The following DLGAP2 variants were observed in gnomAD, a reference collection of about 807,000 sequenced individuals.
DLGAP2 encodes the protein disks large-associated protein 2.
In DLGAP2, 26 loss-of-function variants were observed where a neutral mutation model predicts 100.3. That is an observed-to-expected ratio of 0.26 (90% CI 0.19 to 0.36). DLGAP2 has a LOEUF of 0.36. Ranked by LOEUF, DLGAP2 falls within the 10% of genes least tolerant of loss-of-function variation. The pLI, the probability that DLGAP2 is intolerant of heterozygous loss-of-function variation, is 1.00. For missense variants in DLGAP2, 1,858 were observed against 1,453.2 expected (o/e 1.28, Z -4.53); for synonymous variants, 886 against 630.1 (o/e 1.41, Z -6.08).
At chr8:820,269 C>G (rs982451185) in intron 1 of DLGAP2, among the ~76,000 whole-genome samples, 1 of 152,066 alleles carries the variant, frequency 6.6e-6, no homozygotes, top group African/African-American at 2.4e-5. Flanking sequence ...AAATTTAGTA[C>G]AATATGTTTT....
At chr8:845,229 C>G (rs1203657446) in intron 1 of DLGAP2, among the ~76,000 whole-genome samples, 1 of 152,176 alleles carries the variant, frequency 6.6e-6, no homozygotes. Flanking sequence ...GACTGTTTTC[C>G]AAAGTTGCAG....
At chr8:746,351 T>A (rs1174223256) in intron 1 of DLGAP2, among the ~76,000 whole-genome samples, 1 of 152,234 alleles carries the variant, frequency 6.6e-6, no homozygotes, top group Non-Finnish European at 1.5e-5. Flanking sequence ...CCCTGTGAGG[T>A]CAGTGCTGGC....
intron 3 of DLGAP2, among the ~76,000 whole-genome samples, chr8:1,437,706 G>T (rs927672600): frequency 6.6e-6 from 1 of 150,776 alleles, no homozygotes; most frequent in Admixed American, 6.7e-5. Context: ...GGTGGCTCAT[G>T]CCTGTAATCC....
chr8:1,529,679 GA>G (rs1474929082), intron 4 of DLGAP2, among the ~76,000 whole-genome samples: 2 of 152,180 alleles, frequency 1.3e-5, no homozygotes, highest in Non-Finnish European at 2.9e-5. Context: ...TGAACAATGT[GA>G]AAAAATGGCA....
intron 1 of DLGAP2, among the ~76,000 whole-genome samples, chr8:760,799 C>T (rs981079945): frequency 2.6e-5 from 4 of 152,112 alleles, no homozygotes; most frequent in Non-Finnish European, 5.9e-5. Context: ...CACAGGTGCT[C>T]GGCAGCGTCC....
chr8:1,593,735 C>G (rs988863037), intron 6 of DLGAP2, among the ~76,000 whole-genome samples: 44 of 152,280 alleles, frequency 2.9e-4, no homozygotes, highest in South Asian at 1.4e-3. Flanking sequence ...ATTGGGCCTG[C>G]TGGAGTCTGG....
At chr8:1,630,626 C>T (rs774324156) in intron 7 of DLGAP2, among the ~76,000 whole-genome samples, 48 of 151,698 alleles carry the variant, frequency 3.2e-4, no homozygotes, top group Middle Eastern at 3.4e-3. Flanking sequence ...GGCGTGAATC[C>T]GGGAGGTGGA....
chr8:1,610,346 C>T (rs1324237403), intron 6 of DLGAP2, among the ~76,000 whole-genome samples: 2 of 151,710 alleles, frequency 1.3e-5, no homozygotes, highest in African/African-American at 2.4e-5. Flanking sequence ...CCAACGAGAA[C>T]AAAGACACAA....
In DLGAP2 at chr8:1,417,736, C is replaced by T. The variant is rs542792669; in HGVS notation, c.107-83630C>T. ...CTCGGCGAGGCTCCAGACACAGAAG[C>T]CCACGGAGACCTATGAACGGACCAG... On this transcript the variant is annotated intron_variant, in intron 3 of 14. Transcript: ENST00000637795. 8.5e-4 allele frequency among the ~76,000 whole-genome samples: 14 copies of T among 16,502 alleles called. 1 individual carries two copies. The highest frequency in any genetic ancestry group is 2.0e-3 in the Admixed American group (3 of 1,478). The allele number at this position is 16,502 out of a possible 152,430, so 10.8% of individuals were successfully genotyped here.
At chr8:1,302,093 G>A (rs1022422981) in intron 3 of DLGAP2, 7 of 152,412 alleles carry the variant, frequency 4.6e-5, no homozygotes, top group Non-Finnish European at 1.0e-4. Flanking sequence ...GGAAGGGAAA[G>A]GGAAGCAGAA....
At chr8:1,689,877 C>T (rs950558887) in intron 12 of DLGAP2, among the ~76,000 whole-genome samples, 2 of 152,182 alleles carry the variant, frequency 1.3e-5, no homozygotes, top group South Asian at 2.1e-4. Flanking sequence ...GTACTGGGCA[C>T]GCTCTATGGA....
chr8:744,811 C>G (rs1165605800), intron 1 of DLGAP2, among the ~76,000 whole-genome samples: 1 of 152,234 alleles, frequency 6.6e-6, no homozygotes, highest in East Asian at 1.9e-4. Context: ...GTCCTTTCCT[C>G]ATGTCTGTTC....
intron 3 of DLGAP2, among the ~76,000 whole-genome samples, chr8:1,357,520 T>C (rs937854828): frequency 9.2e-5 from 14 of 152,056 alleles, no homozygotes; most frequent in African/African-American, 3.4e-4. Flanking sequence ...ATACCATCTG[T>C]AGTAGTGAGA....
intron 2 of DLGAP2, among the ~76,000 whole-genome samples, chr8:913,437 T>C (rs1798529176): frequency 6.6e-6 from 1 of 152,254 alleles, no homozygotes; most frequent in Admixed American, 6.5e-5. Flanking sequence ...CAGTTTGCGA[T>C]AGCTGCTGGC....
intron 8 of DLGAP2, among the ~76,000 whole-genome samples, chr8:1,657,506 G>T (rs930786724): frequency 3.3e-5 from 5 of 152,156 alleles, no homozygotes; most frequent in African/African-American, 1.2e-4. Context: ...TTTAATCTGT[G>T]GCAGCAAATT....
chr8:899,205 AT>A (rs2128997065), intron 1 of DLGAP2, among the ~76,000 whole-genome samples: 1 of 152,320 alleles, frequency 6.6e-6, no homozygotes, highest in East Asian at 1.9e-4. Flanking sequence ...TGCGTTCCAC[AT>A]GGGACTCCTT....
At chr8:1,136,612 A>G (rs1011656852) in intron 2 of DLGAP2, among the ~76,000 whole-genome samples, 1 of 152,230 alleles carries the variant, frequency 6.6e-6, no homozygotes, top group African/African-American at 2.4e-5. Flanking sequence ...CAGCAGACCC[A>G]TGACTCTGAA....
intron 1 of DLGAP2, among the ~76,000 whole-genome samples, chr8:898,817 G>C (rs1183823638): frequency 1.3e-5 from 2 of 152,212 alleles, no homozygotes; most frequent in Non-Finnish European, 2.9e-5. Context: ...CGTGTAAAAT[G>C]GAGTTTCAGC....
At chr8:1,369,320 G>A (rs747681403) in intron 3 of DLGAP2, 1 of 152,182 alleles carries the variant, frequency 6.6e-6, no homozygotes, top group African/African-American at 2.4e-5. Flanking sequence ...CCCCTTGGCT[G>A]GCAGACGCTG....
Sources: gnomAD v4.1 joint callset for allele counts (sites outside exome capture counted in the v4.1 genomes callset) on GRCh38, gnomAD v4.1.1 for gene constraint, MANE v1.5 for transcripts, NCBI Gene and HGNC (gene_info 2026-07-23, HGNC 2026-07-21) for gene names.